Variants in TENM3 observed in about 807,000 individuals in gnomAD.
TENM3 encodes the protein teneurin transmembrane protein 3.
A neutral mutation model predicts 255.1 loss-of-function variants in TENM3; 63 were observed. That is an observed-to-expected ratio of 0.25 (90% CI 0.20 to 0.30). TENM3 has a LOEUF of 0.30. Among genes scored for constraint, TENM3 ranks in the 10% least tolerant of loss-of-function variants. The pLI, the probability that TENM3 is intolerant of heterozygous loss-of-function variation, is 1.00. For missense variants in TENM3, 2,929 were observed against 3,461.1 expected, an observed-to-expected ratio of 0.85 and a Z score of 3.86; for synonymous variants, 1,306 against 1,322.3, an observed-to-expected ratio of 0.99 and a Z score of 0.27.
chr4:181,746,141 G>A, the TENM3 span, among the ~76,000 whole-genome samples: 205 of 152,184 alleles, frequency 1.3e-3, 3 homozygotes, highest in South Asian at 0.041. Flanking sequence ...GTTCCCTAGG[G>A]AAGGAGCTGG....
chr4:182,343,059 C>A (rs1164237501), intron 2 of TENM3, among the ~76,000 whole-genome samples: 1 of 152,140 alleles, frequency 6.6e-6, no homozygotes, highest in African/African-American at 2.4e-5. Flanking sequence ...TTGTCAAATA[C>A]CCTCACTCGT....
At chr4:181,481,800 T>C in the TENM3 span, among the ~76,000 whole-genome samples, 4 of 152,294 alleles carry the variant, frequency 2.6e-5, no homozygotes, top group South Asian at 8.3e-4. Context: ...ACGTATTCTA[T>C]GTGTCTAGCA....
the TENM3 span, among the ~76,000 whole-genome samples, chr4:181,606,865 C>A: frequency 1.3e-5 from 2 of 152,036 alleles, no homozygotes; most frequent in Non-Finnish European, 2.9e-5. Flanking sequence ...TAGGGAGTTG[C>A]AAGACTCGGT....
At chr4:182,765,820 TA>T (rs1437000728) in intron 22 of TENM3, among the ~76,000 whole-genome samples, 1 of 152,064 alleles carries the variant, frequency 6.6e-6, no homozygotes, top group East Asian at 1.9e-4. Context: ...CACAAGAAAA[TA>T]TGTGATTTTT....
the TENM3 span, among the ~76,000 whole-genome samples, chr4:181,665,626 T>C: frequency 8.2e-3 from 1,200 of 145,878 alleles, 16 homozygotes; most frequent in African/African-American, 0.027. Context: ...TGTGTATATA[T>C]ACACACACAT....
chr4:181,930,773 A>G, the TENM3 span, among the ~76,000 whole-genome samples: 3 of 152,216 alleles, frequency 2.0e-5, no homozygotes, highest in Non-Finnish European at 4.4e-5. Context: ...TCAATGAAAT[A>G]CTGGCAAACC....
chr4:181,523,823 G>T, the TENM3 span, among the ~76,000 whole-genome samples: 2 of 152,146 alleles, frequency 1.3e-5, no homozygotes, highest in Non-Finnish European at 2.9e-5. Context: ...TGCGTCCTTT[G>T]GTGTACTTAG....
chr4:182,718,793 T>A (rs148736280), intron 13 of TENM3, among the ~76,000 whole-genome samples: 1 of 152,294 alleles, frequency 6.6e-6, no homozygotes, highest in Non-Finnish European at 1.5e-5. Context: ...AAAAGCATCA[T>A]TGCTTTTATT....
At chr4:181,807,564 T>C in the TENM3 span, among the ~76,000 whole-genome samples, 68 of 152,234 alleles carry the variant, frequency 4.5e-4, no homozygotes, top group Non-Finnish European at 8.7e-4. Context: ...TGTTGGTCAG[T>C]CTGGTCTTGA....
At chr4:181,687,825 T>A in the TENM3 span, among the ~76,000 whole-genome samples, 7 of 152,194 alleles carry the variant, frequency 4.6e-5, no homozygotes, top group African/African-American at 1.7e-4. Flanking sequence ...TTAGGCTAAC[T>A]GCTCCAAGAC....
At chr4:182,206,015 A>G (rs1457550590) in intron 1 of TENM3, among the ~76,000 whole-genome samples, 1 of 151,866 alleles carries the variant, frequency 6.6e-6, no homozygotes, top group Non-Finnish European at 1.5e-5. Flanking sequence ...CAACTCACTA[A>G]TTTACACGAT....
rs1223491802 is a variant in TENM3, at chr4:182,686,273, G to T, written c.2036-1893G>T. On this transcript the variant is annotated intron_variant, in intron 11 of 27. Coordinates refer to ENST00000511685, the MANE Select transcript of TENM3 (RefSeq NM_001080477.4). The stretch of plus-strand genomic sequence containing the variant: ...CTTTGCTATTAGCCACAAAAAGACA[G>T]AAAACTTACTTAGAATTCATAGTAA... 2.0e-5 allele frequency among the ~76,000 whole-genome samples: 3 copies of T among 151,952 alleles called. No individual in the cohort carries two copies. The East Asian group carries it at 5.8e-4, about 29-fold the overall frequency.
At chr4:182,051,351 A>T in the TENM3 span, among the ~76,000 whole-genome samples, 1 of 150,582 alleles carries the variant, frequency 6.6e-6, no homozygotes. Flanking sequence ...CTCAAAAAAA[A>T]AAAGCAAATG....
chr4:181,739,630 C>T, the TENM3 span, among the ~76,000 whole-genome samples: 13 of 152,102 alleles, frequency 8.5e-5, no homozygotes, highest in Non-Finnish European at 1.6e-4. Flanking sequence ...TTTCCACATC[C>T]AACTCATCAG....
chr4:181,695,682 G>T, the TENM3 span, among the ~76,000 whole-genome samples: 1 of 152,002 alleles, frequency 6.6e-6, no homozygotes, highest in Non-Finnish European at 1.5e-5. Flanking sequence ...AATTGTTTTG[G>T]GTTGAAAGTC....
At chr4:181,959,350 G>A in the TENM3 span, among the ~76,000 whole-genome samples, 1 of 152,202 alleles carries the variant, frequency 6.6e-6, no homozygotes, top group Non-Finnish European at 1.5e-5. Context: ...ACTGAAGCTG[G>A]GGGCAGCCTC....
At chr4:181,581,965 TCAGGCGATCTGC>T in the TENM3 span, among the ~76,000 whole-genome samples, 1 of 152,158 alleles carries the variant, frequency 6.6e-6, no homozygotes, top group Non-Finnish European at 1.5e-5. Flanking sequence ...ATTCCCAACC[TCAGGCGATCTGC>T]CTGCCTCGGC....
the TENM3 span, among the ~76,000 whole-genome samples, chr4:181,478,428 C>T: frequency 2.0e-5 from 3 of 152,180 alleles, no homozygotes; most frequent in African/African-American, 7.2e-5. Flanking sequence ...CACCTAGGAA[C>T]TCGATCACGC....
chr4:181,535,525 A>T, the TENM3 span, among the ~76,000 whole-genome samples: 1 of 152,200 alleles, frequency 6.6e-6, no homozygotes, highest in Non-Finnish European at 1.5e-5. Flanking sequence ...ATAATGGAAG[A>T]TAGGTCACAT....
Sources: allele counts gnomAD v4.1 joint callset (sites outside exome capture counted in the v4.1 genomes callset), GRCh38; gene constraint gnomAD v4.1.1; transcripts MANE v1.5; gene names NCBI Gene and HGNC (gene_info 2026-07-23, HGNC 2026-07-21).